Variants in LOC112694756 observed in about 807,000 individuals in gnomAD.
chr16:30,057,941 A>C, the LOC112694756 span, among the ~76,000 whole-genome samples: 1 of 151,934 alleles, frequency 6.6e-6, no homozygotes, highest in East Asian at 1.9e-4. Context: ...AAAAAAAAAA[A>C]ACCAAAGCAA....
At chr16:30,065,207 G>A in the LOC112694756 span, among the ~76,000 whole-genome samples, 6 of 152,218 alleles carry the variant, frequency 3.9e-5, no homozygotes, top group Non-Finnish European at 8.8e-5. Context: ...TCCTCTCGAT[G>A]CCCTTTCCTC....
At chr16:30,063,708 A>G in the LOC112694756 span, 2 of 398,310 alleles carry the variant, frequency 5.0e-6, no homozygotes, top group East Asian at 3.6e-5. Context: ...ACCTCCCTCA[A>G]CCCTCTCTCT....
chr16:30,064,261 C>G, the LOC112694756 span: 12 of 397,686 alleles, frequency 3.0e-5, no homozygotes, highest in Admixed American at 4.9e-4. Context: ...GAGTGTAGTG[C>G]CAGTATCTAC....
the LOC112694756 span, chr16:30,066,780 A>G: frequency 7.5e-7 from 1 of 1,324,584 alleles, no homozygotes; most frequent in Middle Eastern, 2.0e-4. Context: ...GGCTTGAAGC[A>G]CAGACCTTTC....
chr16:30,064,322 C>T, the LOC112694756 span: 4 of 397,048 alleles, frequency 1.0e-5, no homozygotes, highest in East Asian at 1.4e-4. Flanking sequence ...CAGCCACCAT[C>T]ACCGCAGGGA....
At chr16:30,067,815 TCA>T in the LOC112694756 span, 4 of 827,618 alleles carry the variant, frequency 4.8e-6, no homozygotes, top group African/African-American at 6.7e-5. Context: ...TTTTTAATCC[TCA>T]CAATTCTGAG....
At chr16:30,059,448 G>A in the LOC112694756 span, among the ~76,000 whole-genome samples, 2 of 151,822 alleles carry the variant, frequency 1.3e-5, no homozygotes, top group East Asian at 2.0e-4. Flanking sequence ...GCAGTGAGCC[G>A]AGATCGTGCC....
the LOC112694756 span, chr16:30,068,445 G>T: frequency 1.7e-5 from 11 of 663,856 alleles, no homozygotes; most frequent in Non-Finnish European, 2.8e-5. Context: ...AAGTAAATGT[G>T]GGGGAAGACT....
chr16:30,058,724 C>T, the LOC112694756 span, among the ~76,000 whole-genome samples: 4 of 151,882 alleles, frequency 2.6e-5, no homozygotes, highest in Non-Finnish European at 5.9e-5. Flanking sequence ...CCTCGTGATC[C>T]GCCCGCCTTG....
At chr16:30,069,516 C>T in the LOC112694756 span, 24 of 1,614,126 alleles carry the variant, frequency 1.5e-5, no homozygotes, top group East Asian at 3.3e-4. Context: ...CTGCTGTCTA[C>T]AAGGCTCTGA....
the LOC112694756 span, chr16:30,068,430 G>A: frequency 3.1e-6 from 2 of 638,244 alleles, no homozygotes; most frequent in South Asian, 3.3e-5. Flanking sequence ...GCAGTTTAAG[G>A]GATTAAGTAA....
chr16:30,064,533 C>A, the LOC112694756 span: 1 of 398,710 alleles, frequency 2.5e-6, no homozygotes, highest in Non-Finnish European at 4.4e-6. Flanking sequence ...CCCTCCCCAT[C>A]AATAGGGCCG....
the LOC112694756 span, among the ~76,000 whole-genome samples, chr16:30,062,217 CAAAT>C: frequency 2.0e-5 from 3 of 150,632 alleles, no homozygotes; most frequent in African/African-American, 4.9e-5. Context: ...AACAAACAAA[CAAAT>C]AGATCTAATT....
At chr16:30,063,648 CCT>C in the LOC112694756 span, 1 of 398,814 alleles carries the variant, frequency 2.5e-6, no homozygotes, top group Non-Finnish European at 4.4e-6. Flanking sequence ...ATTTCCCAGG[CCT>C]CTCTGTTCCC....
chr16:30,059,017 G>T, the LOC112694756 span: 1 of 398,588 alleles, frequency 2.5e-6, no homozygotes, highest in Non-Finnish European at 4.4e-6. Context: ...GTGCTATGGA[G>T]CAGCGGTTGC....
At chr16:30,061,768 C>G in the LOC112694756 span, among the ~76,000 whole-genome samples, 1 of 151,212 alleles carries the variant, frequency 6.6e-6, no homozygotes, top group Non-Finnish European at 1.5e-5. Flanking sequence ...CCATGTTGGC[C>G]CAGCTGGTCC....
chr16:30,055,116 C>G, the LOC112694756 span: 1 of 399,134 alleles, frequency 2.5e-6, no homozygotes, highest in Non-Finnish European at 4.4e-6. Context: ...CTCGGGAAAG[C>G]TGCCTTGGCT....
chr16:30,069,841 C>G, the LOC112694756 span: 1 of 1,614,020 alleles, frequency 6.2e-7, no homozygotes, highest in Admixed American at 1.7e-5. Context: ...GATCACCTTC[C>G]TGTCTGGAGG....
the LOC112694756 span, chr16:30,068,883 C>T: frequency 3.1e-6 from 5 of 1,614,232 alleles, no homozygotes; most frequent in Non-Finnish European, 4.2e-6. Flanking sequence ...CGCCAAGTGG[C>T]GTTGTGTGCT....
Sources: gnomAD v4.1 joint callset for allele counts (sites outside exome capture counted in the v4.1 genomes callset) on GRCh38, gnomAD v4.1.1 for gene constraint, MANE v1.5 for transcripts.